DLGAP2: variants seen among roughly 807,000 people sequenced by gnomAD.
DLGAP2 encodes the protein disks large-associated protein 2.
Under a neutral mutation model 100.3 loss-of-function variants are expected in DLGAP2, and 26 were observed. The observed-to-expected ratio is 0.26, with a 90% CI of 0.19 to 0.36. DLGAP2 has a LOEUF of 0.36. Ranked by LOEUF, DLGAP2 falls within the 10% of genes least tolerant of loss-of-function variation. The pLI, the probability that DLGAP2 is intolerant of heterozygous loss-of-function variation, is 1.00. For synonymous variants in DLGAP2, 886 were observed against 630.1 expected (o/e 1.41, Z -6.08); for missense variants, 1,858 against 1,453.2 (o/e 1.28, Z -4.53).
chr8:1,264,652 A>G (rs1799416313), intron 3 of DLGAP2, among the ~76,000 whole-genome samples: 1 of 152,146 alleles, frequency 6.6e-6, no homozygotes, highest in African/African-American at 2.4e-5. Flanking sequence ...AGAATTCTTG[A>G]CAACATAGGG....
chr8:751,612 TTTATAGTAAG>T (rs1820790930), intron 1 of DLGAP2, among the ~76,000 whole-genome samples: 2 of 87,962 alleles, frequency 2.3e-5, no homozygotes, highest in South Asian at 3.3e-4. Context: ...CATCTGACAC[TTTATAGTAAG>T]TCCTTATAGG....
At chr8:1,117,787 C>T (rs1189442079) in intron 2 of DLGAP2, among the ~76,000 whole-genome samples, 4 of 152,206 alleles carry the variant, frequency 2.6e-5, no homozygotes, top group Non-Finnish European at 4.4e-5. Context: ...ACAGAATCAC[C>T]TGCGCATTCT....
At chr8:1,346,971 T>TTA (rs1801575221) in intron 3 of DLGAP2, among the ~76,000 whole-genome samples, 1 of 150,664 alleles carries the variant, frequency 6.6e-6, no homozygotes, top group African/African-American at 2.4e-5. Context: ...TGAGTTCCCA[T>TTA]ACAGAGCTGC....
intron 2 of DLGAP2, among the ~76,000 whole-genome samples, chr8:1,251,866 C>T (rs1010552924): frequency 6.6e-6 from 1 of 152,232 alleles, no homozygotes; most frequent in African/African-American, 2.4e-5. Flanking sequence ...ATCATGTTGT[C>T]TTAGGGTCAT....
chr8:839,252 G>A (rs142002668), intron 1 of DLGAP2, among the ~76,000 whole-genome samples: 198 of 152,286 alleles, frequency 1.3e-3, no homozygotes, highest in Non-Finnish European at 2.5e-3. Context: ...CAAAGGAATT[G>A]CACTCAGTGT....
intron 1 of DLGAP2, among the ~76,000 whole-genome samples, chr8:774,967 C>T (rs1472519715): frequency 1.3e-5 from 2 of 151,444 alleles, no homozygotes; most frequent in South Asian, 2.1e-4. Flanking sequence ...GATATTGATT[C>T]TTCCTACCCA....
intron 2 of DLGAP2, among the ~76,000 whole-genome samples, chr8:1,083,513 G>A (rs147692257): frequency 7.2e-5 from 11 of 152,268 alleles, no homozygotes; most frequent in Non-Finnish European, 1.5e-4. Flanking sequence ...TGAGCATTTT[G>A]AGCTGAGCTT....
chr8:1,416,524 G>A (rs915942903), intron 3 of DLGAP2, among the ~76,000 whole-genome samples: 3 of 152,238 alleles, frequency 2.0e-5, no homozygotes, highest in South Asian at 4.1e-4. Context: ...TTCTAGCCCC[G>A]CTGAATGAAC....
At chr8:747,181 C>T (rs989776295) in intron 1 of DLGAP2, among the ~76,000 whole-genome samples, 3 of 152,052 alleles carry the variant, frequency 2.0e-5, no homozygotes, top group Admixed American at 1.3e-4. Context: ...GGCACTGCCC[C>T]GCCTCTGACT....
At chr8:1,041,849 C>A (rs563299243) in intron 2 of DLGAP2, among the ~76,000 whole-genome samples, 2 of 148,090 alleles carry the variant, frequency 1.4e-5, no homozygotes, top group African/African-American at 5.1e-5. Context: ...CAGCGTTCTC[C>A]GAGCCCTTTG....
intron 3 of DLGAP2, among the ~76,000 whole-genome samples, chr8:1,331,928 C>G (rs547581344): frequency 2.6e-5 from 4 of 152,232 alleles, no homozygotes; most frequent in Admixed American, 1.3e-4. Flanking sequence ...CAAACAATCC[C>G]TAGGGAGCCA....
At chr8:1,499,344 T>G (rs1799640850) in intron 3 of DLGAP2, among the ~76,000 whole-genome samples, 1 of 152,212 alleles carries the variant, frequency 6.6e-6, no homozygotes. Flanking sequence ...TGTGTGCATG[T>G]GTGCTGAAAG....
chr8:782,072 A>C (rs1257877076), intron 1 of DLGAP2, among the ~76,000 whole-genome samples: 2 of 152,150 alleles, frequency 1.3e-5, no homozygotes, highest in East Asian at 3.9e-4. Flanking sequence ...GGAAGAGAAA[A>C]ATTTGAATGT....
At chr8:1,161,079 C>T (rs758001302) in intron 2 of DLGAP2, among the ~76,000 whole-genome samples, 77 of 152,300 alleles carry the variant, frequency 5.1e-4, no homozygotes, top group Middle Eastern at 3.4e-3. Flanking sequence ...TTGCCTATTC[C>T]AGCAGGTTTA....
intron 6 of DLGAP2, among the ~76,000 whole-genome samples, chr8:1,583,044 A>G (rs1006035109): frequency 7.9e-5 from 12 of 152,220 alleles, no homozygotes; most frequent in Admixed American, 5.9e-4. Flanking sequence ...CCAGAGCTGC[A>G]AAAGTGAATC....
chr8:1,295,143 T>A (rs1335318570), intron 3 of DLGAP2, among the ~76,000 whole-genome samples: 1 of 152,122 alleles, frequency 6.6e-6, no homozygotes, highest in Non-Finnish European at 1.5e-5. Context: ...CAAACTCGTC[T>A]CCTTGGGTGT....
chr8:1,003,797 G>A (rs1801029665), intron 2 of DLGAP2, among the ~76,000 whole-genome samples: 1 of 152,202 alleles, frequency 6.6e-6, no homozygotes, highest in Non-Finnish European at 1.5e-5. Context: ...CCATACCCCA[G>A]AATGGTGGCT....
At chr8:1,258,748 G>A (rs1309482614) in intron 2 of DLGAP2, 103 bp from the exon 3 acceptor site, 22 of 1,036,258 alleles carry the variant, frequency 2.1e-5, no homozygotes, top group Middle Eastern at 3.5e-4. Flanking sequence ...GTCAAGCGGC[G>A]TCATCTTAAA....
At chr8:1,443,628 G>A (rs1405418220) in intron 3 of DLGAP2, among the ~76,000 whole-genome samples, 2 of 152,190 alleles carry the variant, frequency 1.3e-5, no homozygotes, top group Non-Finnish European at 2.9e-5. Context: ...CATGGCAGAA[G>A]GTGAATGAGC....
Sources: gnomAD v4.1 joint callset for allele counts (sites outside exome capture counted in the v4.1 genomes callset) on GRCh38, gnomAD v4.1.1 for gene constraint, MANE v1.5 for transcripts, NCBI Gene and HGNC (gene_info 2026-07-23, HGNC 2026-07-21) for gene names.